The following RB1CC1 variants were observed in gnomAD, a reference collection of about 807,000 sequenced individuals.
The protein encoded by RB1CC1 is RB1-inducible coiled-coil protein 1.
In RB1CC1, 46 loss-of-function variants were observed where a neutral mutation model predicts 177.5. The ratio of observed to expected loss-of-function variants is 0.26; its 90% CI spans 0.20 to 0.33. The LOEUF (loss-of-function observed/expected upper bound fraction) is 0.33. Ranked by LOEUF, RB1CC1 falls within the 10% of genes least tolerant of loss-of-function variation. The probability of loss-of-function intolerance (pLI) is 1.00; values close to 1 mark genes in which losing one functional copy is unlikely to be tolerated. For missense variants in RB1CC1, 1,703 were observed against 1,816.3 expected (o/e 0.94, Z 1.13); for synonymous variants, 666 against 613.6 (o/e 1.09, Z -1.26).
At position 52,673,987 on chromosome 8, in the gene RB1CC1, T is replaced by G; in HGVS notation, c.860A>C (p.His287Pro). The change falls in exon 7 of 24, where the codon CAT (histidine) becomes CCT (proline). Residue 287 changes from histidine to proline, a missense_variant. Physicochemically the swap from His to Pro is moderately conservative, Grantham distance 77. Coordinates refer to ENST00000025008, the MANE Select transcript of RB1CC1 (RefSeq NM_014781.5). ...GTCAATCGTAGTTTCATCTTGCTGA[T>G]GAACAGTACTTTGACAAGATTCCCT... is the stretch of plus-strand genomic sequence containing the variant. ...EIRESCQSTV[H>P]QQDETTIDTK... is the part of the protein sequence containing the mutation. 6.2e-7 allele frequency: 1 copy of G among 1,614,202 alleles called. No individual in the cohort carries two copies. Among genetic ancestry groups the G allele is most frequent in the Non-Finnish European group, 8.5e-7 (1 of 1,180,032 alleles).
intron 1 of RB1CC1, among the ~76,000 whole-genome samples, chr8:52,709,699 T>C (rs1856896377): frequency 2.0e-5 from 3 of 152,194 alleles, no homozygotes; most frequent in Admixed American, 6.5e-5. Flanking sequence ...GATCACACCA[T>C]TGCCTGTCGC....
At position 52,675,712 on chromosome 8, in the gene RB1CC1, TCC is replaced by T. The variant is rs1454338229; in HGVS notation, c.572+655_572+656del. Reference sequence around the variant, plus strand: ...GGTGAAACCCCATCTCTACTAAAAATCCAAAAAAAAAAAAAAAAAAAAAAATT... The same window carrying T: ...GGTGAAACCCCATCTCTACTAAAAATAAAAAAAAAAAAAAAAAAAAAAATT... On this transcript the variant is annotated intron_variant, in intron 6 of 23. Transcript: ENST00000025008. 3.1e-3 allele frequency among the ~76,000 whole-genome samples: 151 copies of T among 48,362 alleles called. 2 individuals are homozygous for T. The highest frequency in any genetic ancestry group is 0.01 in the African/African-American group (101 of 9,906). The allele number at this position is 48,362 out of a possible 152,430, so 31.7% of individuals were successfully genotyped here.
intron 1 of RB1CC1, among the ~76,000 whole-genome samples, chr8:52,695,963 A>C (rs1261623803): frequency 1.3e-5 from 2 of 152,228 alleles, no homozygotes; most frequent in African/African-American, 4.8e-5. Flanking sequence ...CAAACTTGCC[A>C]CTAGTACCTG....
At chr8:52,634,646 G>T (rs1489582141) in intron 20 of RB1CC1, among the ~76,000 whole-genome samples, 4 of 152,046 alleles carry the variant, frequency 2.6e-5, no homozygotes, top group Admixed American at 2.0e-4. Context: ...AGAATCTTAG[G>T]TGCTTCAACT....
intron 7 of RB1CC1, among the ~76,000 whole-genome samples, chr8:52,668,410 C>T (rs975172693): frequency 5.3e-5 from 8 of 152,180 alleles, no homozygotes; most frequent in African/African-American, 1.7e-4. Context: ...ATTAGGAATA[C>T]ATTTTCAAGA....
At chr8:52,650,231 G>C (rs1280833278) in intron 15 of RB1CC1, among the ~76,000 whole-genome samples, 1 of 152,168 alleles carries the variant, frequency 6.6e-6, no homozygotes, top group Non-Finnish European at 1.5e-5. Context: ...GAGAAGCCAG[G>C]GATATTATCC....
intron 1 of RB1CC1, among the ~76,000 whole-genome samples, chr8:52,696,784 CTT>C (rs1855455561): frequency 6.6e-6 from 1 of 152,156 alleles, no homozygotes; most frequent in African/African-American, 2.4e-5. Flanking sequence ...AGGCTGATCA[CTT>C]GAGCTCAGGA....
chr8:52,653,534 C>T (rs1341699484), intron 15 of RB1CC1, among the ~76,000 whole-genome samples: 6 of 152,052 alleles, frequency 3.9e-5, no homozygotes, highest in Non-Finnish European at 7.4e-5. Flanking sequence ...GCTTAACTTA[C>T]CAAGAGAATT....
intron 1 of RB1CC1, among the ~76,000 whole-genome samples, chr8:52,709,134 G>A (rs1317042278): frequency 6.6e-6 from 1 of 152,000 alleles, no homozygotes; most frequent in Admixed American, 6.5e-5. Context: ...TTGAACCCGG[G>A]AGTCAGAGGT....
chr8:52,633,491 A>AT (rs1329354690), intron 20 of RB1CC1, among the ~76,000 whole-genome samples: 1 of 152,194 alleles, frequency 6.6e-6, no homozygotes, highest in Non-Finnish European at 1.5e-5. Context: ...AAAATTAATG[A>AT]TTCACAGTAT....
intron 8 of RB1CC1, among the ~76,000 whole-genome samples, chr8:52,665,115 A>G (rs1273261870): frequency 6.6e-6 from 1 of 152,202 alleles, no homozygotes; most frequent in African/African-American, 2.4e-5. Flanking sequence ...ATAAAATTTA[A>G]TATGAATAAA....
chr8:52,703,672 G>GT (rs1478009303), intron 1 of RB1CC1, among the ~76,000 whole-genome samples: 1 of 152,156 alleles, frequency 6.6e-6, no homozygotes, highest in Non-Finnish European at 1.5e-5. Context: ...AACTATTCAA[G>GT]TAAGTGTTGG....
intron 5 of RB1CC1, among the ~76,000 whole-genome samples, chr8:52,680,523 A>G (rs1023414454): frequency 2.6e-5 from 4 of 152,218 alleles, no homozygotes; most frequent in African/African-American, 4.8e-5. Context: ...GCAGAAGTAG[A>G]AGAGAAGACA....
rs577205024 is a variant in RB1CC1, at chr8:52,655,914, C to G, written c.3821+94G>C. 7.0e-5 allele frequency: 70 copies of G among 1,002,774 alleles called. No homozygotes were observed. In the Admixed American group the frequency reaches 2.0e-3, roughly 29 times the overall value. 62.1% of individuals were successfully genotyped at this position (1,002,774 alleles called of 1,614,324 possible). A position where few individuals can be genotyped will look rare whatever the true frequency, so the allele number is the denominator to read the frequency against. ...AAAATACCCTAGTTGCTACATTTACCCAAGGTAAATGAGTAAATCAAGGTA... is the reference window on the plus strand; with the variant it reads ...AAAATACCCTAGTTGCTACATTTACGCAAGGTAAATGAGTAAATCAAGGTA... On this transcript the variant is annotated intron_variant, in intron 15 of 23. Transcript: ENST00000025008.
At chr8:52,658,850 C>T (rs769598088) in intron 13 of RB1CC1, 23 bp downstream of exon 13, 44 of 1,484,416 alleles carry the variant, frequency 3.0e-5, no homozygotes, top group Non-Finnish European at 3.8e-5. Flanking sequence ...TATAAATTAA[C>T]TGAAAATACT....
chr8:52,688,960 C>T (rs1481153290), intron 1 of RB1CC1, among the ~76,000 whole-genome samples: 1 of 152,104 alleles, frequency 6.6e-6, no homozygotes, highest in Non-Finnish European at 1.5e-5. Context: ...AAATGTGGTA[C>T]TTGGCAGATA....
intron 7 of RB1CC1, among the ~76,000 whole-genome samples, chr8:52,671,349 C>T (rs919085841): frequency 1.3e-5 from 2 of 151,988 alleles, no homozygotes; most frequent in African/African-American, 2.4e-5. Context: ...TTTCCTTTTA[C>T]GGAAAAAAAA....
chr8:52,688,379 G>C (rs1015274410), intron 1 of RB1CC1, among the ~76,000 whole-genome samples: 2 of 152,136 alleles, frequency 1.3e-5, no homozygotes, highest in African/African-American at 2.4e-5. Context: ...ATTCCTGTGG[G>C]GAGGTCTACA....
Position 52,656,468 on chromosome 8 carries a change from C to G in RB1CC1, c.3361G>C (p.Gly1121Arg), listed in dbSNP as rs1851091363. The G allele has an allele frequency of 6.2e-7, 1 of 1,611,246 alleles. No individual in the cohort carries two copies. Among genetic ancestry groups the G allele is most frequent in the East Asian group, 2.2e-5 (1 of 44,822 alleles). ...ATTAAAGTTCTTAGCTCTGCTAAGCCCACCTGATAATTTTCATTATTATCC... is the reference window on the plus strand; with the variant it reads ...ATTAAAGTTCTTAGCTCTGCTAAGCGCACCTGATAATTTTCATTATTATCC... ...IQDNNENYQV[G>R]LAELRTLMTI... Residue 1121 changes from glycine to arginine, a missense_variant, in exon 15 of 24, where the codon GGC (glycine) becomes CGC (arginine). Gly to Arg is a moderately radical substitution (Grantham distance 125). Transcript: ENST00000025008.
Sources: allele counts gnomAD v4.1 joint callset (sites outside exome capture counted in the v4.1 genomes callset), GRCh38; gene constraint gnomAD v4.1.1; transcripts MANE v1.5; gene names NCBI Gene and HGNC (gene_info 2026-07-23, HGNC 2026-07-21).